The following SLC35A2 variants were observed in gnomAD, a reference collection of about 807,000 sequenced individuals.
SLC35A2 encodes the protein solute carrier family 35 member A2, also known as UDP-galactose translocator.
In SLC35A2, 1 loss-of-function variant was observed where a neutral mutation model predicts 17.3. That is an observed-to-expected ratio of 0.06 (90% confidence interval 0.02 to 0.27). The LOEUF (loss-of-function observed/expected upper bound fraction) is 0.27, where lower values mean the gene tolerates loss of function less well. Among genes scored for constraint, SLC35A2 ranks in the 10% least tolerant of loss-of-function variants. SLC35A2 has a pLI of 1.00. For missense variants in SLC35A2, 191 were observed against 339.3 expected, an observed-to-expected ratio of 0.56 and a Z score of 3.43; for synonymous variants, 161 against 161.3, an observed-to-expected ratio of 1.00 and a Z score of 0.01.
At chrX:48,910,140 C>T in intron 1 of SLC35A2, 144 bp from the exon 2 acceptor site, 1 of 868,435 alleles carries the variant, frequency 1.2e-6, no homozygotes. Context: ...TGCCCTCACC[C>T]AATAAGGGTC....
intron 2 of SLC35A2, among the ~76,000 whole-genome samples, chrX:48,907,894 C>T (rs913047910): frequency 9.2e-6 from 1 of 108,690 alleles, no homozygotes; most frequent in Non-Finnish European, 1.9e-5. Context: ...TGGTGGCAGG[C>T]GCCTATAATC....
chrX:48,903,407 G>T lies in SLC35A2; in HGVS notation c.*31C>A. 1.7e-6 allele frequency: 1 copy of T among 575,499 alleles called. No homozygotes were observed. The highest frequency in any genetic ancestry group is 3.2e-6 in the Non-Finnish European group (1 of 314,360). The allele number at this position is 575,499 out of a possible 1,213,427, so 47.4% of individuals were successfully genotyped here. Reference sequence around the variant, plus strand: ...TGGGCCAAGGGCAAGAAGAGAGAACGAGGCCAGGCCAATGTCTTCAATCCC... The same window carrying T: ...TGGGCCAAGGGCAAGAAGAGAGAACTAGGCCAGGCCAATGTCTTCAATCCC... On this transcript the variant is annotated 3_prime_UTR_variant, in exon 5 of 5. Coordinates refer to ENST00000247138, the MANE Select transcript of SLC35A2 (RefSeq NM_005660.3).
intron 1 of SLC35A2, 99 bp downstream of exon 1, chrX:48,911,447 C>T: frequency 9.5e-7 from 1 of 1,047,179 alleles, no homozygotes; most frequent in Non-Finnish European, 1.3e-6. Context: ...CACGTCGGTC[C>T]ACACGGGATG....
intron 1 of SLC35A2, 129 bp downstream of exon 1, chrX:48,911,417 T>C: frequency 1.2e-6 from 1 of 819,743 alleles, no homozygotes; most frequent in Non-Finnish European, 1.8e-6. Context: ...ACTGACAATG[T>C]GCACACACAC....
intron 2 of SLC35A2, among the ~76,000 whole-genome samples, chrX:48,907,008 A>C (rs1303771911): frequency 9.1e-6 from 1 of 109,639 alleles, no homozygotes; most frequent in African/African-American, 3.3e-5. Flanking sequence ...ATCTCTACTA[A>C]AAATACAAAA....
chrX:48,911,920 T>C, upstream of SLC35A2: 1 of 1,167,612 alleles, frequency 8.6e-7, no homozygotes, highest in Non-Finnish European at 1.1e-6. Flanking sequence ...CTGCCGTTCG[T>C]CCGCTTCACT....
Position 48,905,002 on chromosome X carries a change from G to C in SLC35A2, c.907C>G (p.Leu303Val). 8.3e-7 allele frequency: 1 copy of C among 1,211,629 alleles called. No individual in the cohort carries two copies. Among genetic ancestry groups the C allele is most frequent in the Non-Finnish European group, 1.1e-6 (1 of 895,219 alleles). Reference sequence around the variant, plus strand: ...GCAACAGTGGACAGCACAATGGACAGGGAGGTGGCAAAGCCCTTGAGGATA... The same window carrying C: ...GCAACAGTGGACAGCACAATGGACACGGAGGTGGCAAAGCCCTTGAGGATA... Reference protein sequence around the residue: ...DNILKGFATSLSIVLSTVASI... With the variant: ...DNILKGFATSVSIVLSTVASI... Residue 303 changes from leucine (L) to valine (V), a missense_variant, in exon 4 of 5, where the codon CTG becomes GTG. Transcript: ENST00000247138.
rs149957071 is a variant in SLC35A2 at position 48,911,090 on chromosome X, A to G, written c.91+456T>C. On this transcript the variant is annotated intron_variant, in intron 1 of 4. Coordinates refer to ENST00000247138, the MANE Select transcript of SLC35A2 (RefSeq NM_005660.3). ...CGGTCTCCTCCGCACATAATGAAAGACACCCCCATCCTCAAAATGGACCCT... is the reference window on the plus strand; with the variant it reads ...CGGTCTCCTCCGCACATAATGAAAGGCACCCCCATCCTCAAAATGGACCCT... 8.1e-3 allele frequency among the ~76,000 whole-genome samples: 901 copies of G among 110,557 alleles called. 3 individuals carry two copies. Among genetic ancestry groups the G allele is most frequent in the Non-Finnish European group, 0.013 (707 of 52,773 alleles).
rs782406133 is a variant in SLC35A2 at position 48,905,066 on chromosome X, G to A, written c.843C>T (p.Gly281=). Residue 281 remains glycine (G), a synonymous_variant, in exon 4 of 5, where the codon GGC becomes GGT. Coordinates refer to ENST00000247138, the MANE Select transcript of SLC35A2 (RefSeq NM_005660.3). ...TGACAACCACAGCCACCAGTAGCCC[G>A]CCGAAGGCCTGGTTGAGCACCACGC... The part of the protein sequence containing the change: ...VWGVVLNQAF[G]GLLVAVVVKY... 5 of 1,209,671 alleles carry A rather than the reference G, an allele frequency of 4.1e-6. No homozygotes were observed. Among genetic ancestry groups the A allele is most frequent in the African/African-American group, 3.5e-5 (2 of 57,192 alleles).
chrX:48,910,292 G>A (rs1557043796), intron 1 of SLC35A2: 6 of 1,139,296 alleles, frequency 5.3e-6, no homozygotes, highest in Admixed American at 2.8e-5. Context: ...CACGCGCCTC[G>A]GCTTCCTCCC....
chrX:48,909,472 T>C (rs936784603), intron 2 of SLC35A2, among the ~76,000 whole-genome samples: 2 of 113,131 alleles, frequency 1.8e-5, no homozygotes, highest in African/African-American at 6.4e-5. Context: ...GAGTTGCTAA[T>C]TGCTGACTCT....
chrX:48,905,035 C>A lies in SLC35A2; in HGVS notation c.874G>T (p.Ala292Ser). 8.3e-7 allele frequency: 1 copy of A among 1,209,729 alleles called. No individual in the cohort carries two copies. Reference sequence around the variant, plus strand: ...GCAAAGCCCTTGAGGATATTGTCAGCGTACTTGACAACCACAGCCACCAGT... The same window carrying A: ...GCAAAGCCCTTGAGGATATTGTCAGAGTACTTGACAACCACAGCCACCAGT... ...GLLVAVVVKY[A>S]DNILKGFATS... The change falls in exon 4 of 5, where the codon GCT becomes TCT. Residue 292 changes from alanine to serine, a missense_variant. Ala to Ser is a moderately conservative substitution (Grantham distance 99). Transcript: ENST00000247138.
chrX:48,911,562 C>A lies in SLC35A2; in HGVS notation c.75G>T (p.Pro25=). ...CTGTCTCACCCGCACTGGCGGTCCC[C>A]GGCTCCAATGCACCCGCGGAAACCG... The part of the protein sequence containing the change: ...PGAVSAGALE[P]GTASAAHRRL... Residue 25 remains proline, a synonymous_variant, in exon 1 of 5, where the codon CCG becomes CCT. Coordinates refer to ENST00000247138, the MANE Select transcript of SLC35A2 (RefSeq NM_005660.3). 8.6e-7 allele frequency: 1 copy of A among 1,163,382 alleles called. No individual in the cohort carries two copies. Among genetic ancestry groups the A allele is most frequent in the East Asian group, 3.2e-5 (1 of 30,980 alleles).
At position 48,903,339 on chromosome X, in the gene SLC35A2, T is replaced by C. The variant is rs2063457180; in HGVS notation, c.*99A>G. On this transcript the variant is annotated 3_prime_UTR_variant, in exon 5 of 5. Transcript: ENST00000247138. ...TGGTGGGGACAGGGAGTCCAGTGTC[T>C]ACCTCACTCTACCCCTAATACTGAT... 1.8e-6 allele frequency: 1 copy of C among 570,230 alleles called. No homozygotes were observed. The highest frequency in any genetic ancestry group is 2.2e-5 in the African/African-American group (1 of 44,620). The allele number at this position is 570,230 out of a possible 1,213,427, so 47.0% of individuals were successfully genotyped here. A position where few individuals can be genotyped will look rare whatever the true frequency, so the allele number is the denominator to read the frequency against.
chrX:48,910,014 G>C lies in SLC35A2; in HGVS notation c.92-18C>G. On this transcript the variant is annotated intron_variant, in intron 1 of 4. Coordinates refer to ENST00000247138, the MANE Select transcript of SLC35A2 (RefSeq NM_005660.3). ...CCTGTGAGCTGTGGGGAACGGAAGGGGCAAGGGGGAAGGACGGGGTCAGAA... is the reference window on the plus strand; with the variant it reads ...CCTGTGAGCTGTGGGGAACGGAAGGCGCAAGGGGGAAGGACGGGGTCAGAA... 8.4e-7 allele frequency: 1 copy of C among 1,191,539 alleles called. No individual in the cohort carries two copies. The highest frequency in any genetic ancestry group is 1.1e-6 in the Non-Finnish European group (1 of 880,410).
At chrX:48,906,328 A>G (rs781846598) in intron 3 of SLC35A2, 64 bp downstream of exon 3, 185 of 1,061,930 alleles carry the variant, frequency 1.7e-4, no homozygotes, top group Non-Finnish European at 2.3e-4. Context: ...CCACCACGCT[A>G]TTCCCATACT....
intron 4 of SLC35A2, chrX:48,903,672 C>A: frequency 1.2e-6 from 1 of 860,370 alleles, no homozygotes. Flanking sequence ...CATTACAGTT[C>A]CTTAAAAAAC....
upstream of SLC35A2, chrX:48,911,927 C>T (rs1197330668): frequency 1.7e-6 from 2 of 1,166,202 alleles, no homozygotes; most frequent in African/African-American, 3.6e-5. Context: ...TCGTCCGCTT[C>T]ACTGATCGCG....
intron 2 of SLC35A2, 108 bp downstream of exon 2, chrX:48,909,706 G>C (rs1461835318): frequency 2.8e-6 from 2 of 702,490 alleles, no homozygotes; most frequent in Non-Finnish European, 4.2e-6. Flanking sequence ...GCTCCAGGCA[G>C]GTTGAGATTT....
Sources: gnomAD v4.1 joint callset for allele counts (sites outside exome capture counted in the v4.1 genomes callset) on GRCh38, gnomAD v4.1.1 for gene constraint, MANE v1.5 for transcripts, NCBI Gene and HGNC (gene_info 2026-07-23, HGNC 2026-07-21) for gene names.